Variants in GALNT18 observed in about 807,000 individuals in gnomAD.
GALNT18 encodes polypeptide N-acetylgalactosaminyltransferase 18.
Under a neutral mutation model 69.5 loss-of-function variants are expected in GALNT18, and 44 were observed. The ratio of observed to expected loss-of-function variants is 0.63; its 90% CI spans 0.50 to 0.81. The LOEUF (loss-of-function observed/expected upper bound fraction) is 0.81. GALNT18 is among the 40% of genes least tolerant of loss of function. The pLI, the probability that GALNT18 is intolerant of heterozygous loss-of-function variation, is 0.00. For missense variants in GALNT18, 715 were observed against 810.0 expected, an observed-to-expected ratio of 0.88 and a Z score of 1.42; for synonymous variants, 364 against 318.2, an observed-to-expected ratio of 1.14 and a Z score of -1.53.
In GALNT18 at chr11:11,309,434, T is replaced by TA. The variant is rs1356514710; in HGVS notation, c.1513-16242dup. 9.2e-5 allele frequency among the ~76,000 whole-genome samples: 14 copies of TA among 151,656 alleles called. No individual in the cohort carries two copies. The highest frequency in any genetic ancestry group is 3.4e-4 in the African/African-American group (14 of 41,394). ...AATTTTCTTTCTTTCCTTCTATACT[T>TA]ACCACTCTTTCCTGACCTCTCCCTA... On this transcript the variant is annotated intron_variant, in intron 9 of 10. Coordinates refer to ENST00000227756, the MANE Select transcript of GALNT18 (RefSeq NM_198516.3). The surrounding 1 kb of genome is among the most constrained non-coding windows in gnomAD (Gnocchi z 4.6).
chr11:11,347,635 C>T lies in GALNT18; in HGVS notation c.1093-6631G>A, dbSNP rs2133063157. On this transcript the variant is annotated intron_variant, in intron 6 of 10. Transcript: ENST00000227756. This position sits in a 1 kb window ranked among gnomAD's most constrained non-coding sequence, Gnocchi z 4.0. ...CTTATGACTTTTAATGAGCTCTTTG[C>T]TCTTGGCAAACTGTTCCCACTGTTC... Among the ~76,000 whole-genome samples, 1 of 152,238 alleles carries T rather than the reference C, an allele frequency of 6.6e-6. No individual in the cohort carries two copies. The highest frequency in any genetic ancestry group is 6.5e-5 in the Admixed American group (1 of 15,300).
At chr11:11,276,770 A>C (rs757335222) in intron 10 of GALNT18, among the ~76,000 whole-genome samples, 1 of 152,176 alleles carries the variant, frequency 6.6e-6, no homozygotes, top group African/African-American at 2.4e-5. Flanking sequence ...TGAAATAATC[A>C]TGTGGTTTTT....
chr11:11,450,092 T>C (rs962071534), intron 1 of GALNT18, among the ~76,000 whole-genome samples: 15 of 150,472 alleles, frequency 1.0e-4, no homozygotes, highest in South Asian at 2.1e-4. Context: ...GCAAGCCCAC[T>C]GGACAGGGTC....
At chr11:11,580,299 G>T (rs959946247) in intron 1 of GALNT18, among the ~76,000 whole-genome samples, 1 of 152,124 alleles carries the variant, frequency 6.6e-6, no homozygotes, top group African/African-American at 2.4e-5. Context: ...AGCAAGGAAG[G>T]TGCCATCTTA....
chr11:11,410,777 T>G (rs1343856903), intron 3 of GALNT18, among the ~76,000 whole-genome samples: 1 of 152,220 alleles, frequency 6.6e-6, no homozygotes, highest in Non-Finnish European at 1.5e-5. Flanking sequence ...CCTGTCTTAC[T>G]GCGTCTCCAG....
intron 1 of GALNT18, among the ~76,000 whole-genome samples, chr11:11,521,407 C>T (rs764994509): frequency 6.6e-6 from 1 of 152,158 alleles, no homozygotes; most frequent in African/African-American, 2.4e-5. Flanking sequence ...GCTAGACTCA[C>T]TCCTCATCCC....
At chr11:11,374,304 T>C (rs1409838177) in intron 5 of GALNT18, among the ~76,000 whole-genome samples, 1 of 152,188 alleles carries the variant, frequency 6.6e-6, no homozygotes, top group East Asian at 1.9e-4. Flanking sequence ...ATCTGTAACA[T>C]AGGATCTATT....
rs1287376092 is a variant in GALNT18 at position 11,415,080 on chromosome 11, A to G, written c.595+17541T>C. Among the ~76,000 whole-genome samples the G allele has an allele frequency of 6.6e-6, 1 of 152,172 alleles. No homozygotes were observed. The highest frequency in any genetic ancestry group is 1.9e-4 in the East Asian group (1 of 5,200). ...GCTCTTGGCAACAAGAGGCTGCCCAATCTCCTTGCCGCATGGACAGTTCAC... is the reference window on the plus strand; with the variant it reads ...GCTCTTGGCAACAAGAGGCTGCCCAGTCTCCTTGCCGCATGGACAGTTCAC... On this transcript the variant is annotated intron_variant, in intron 3 of 10. Coordinates refer to ENST00000227756, the MANE Select transcript of GALNT18 (RefSeq NM_198516.3). The surrounding 1 kb of genome is among the most constrained non-coding windows in gnomAD (Gnocchi z 4.1).
At chr11:11,495,433 A>ATCAAATC (rs1278540261) in intron 1 of GALNT18, among the ~76,000 whole-genome samples, 1 of 152,216 alleles carries the variant, frequency 6.6e-6, no homozygotes, top group Non-Finnish European at 1.5e-5. Context: ...ATCAAGACCC[A>ATCAAATC]TCAAATCAGG....
At chr11:11,612,534 C>T (rs534742470) in intron 1 of GALNT18, among the ~76,000 whole-genome samples, 8 of 152,320 alleles carry the variant, frequency 5.3e-5, no homozygotes, top group Non-Finnish European at 1.0e-4. Context: ...ATTTATTAAG[C>T]CAAGCTTCGA....
Position 11,431,224 on chromosome 11 carries a change from G to T in GALNT18, c.595+1397C>A, listed in dbSNP as rs147703379. Among the ~76,000 whole-genome samples the T allele has an allele frequency of 2.1e-4, 32 of 152,282 alleles. No homozygotes were observed. In the East Asian group the frequency reaches 5.4e-3, roughly 26 times the overall value. On this transcript the variant is annotated intron_variant, in intron 3 of 10. Transcript: ENST00000227756. ...GGAATGTTTTCATCCTTGAATGCTG[G>T]TTCTTCCATCCTGTGCCTCCTTACA...
At chr11:11,351,839 C>G (rs957275508) in intron 6 of GALNT18, 1 of 874,018 alleles carries the variant, frequency 1.1e-6, no homozygotes, top group East Asian at 2.7e-5. Context: ...GGTTCAGACA[C>G]GTTGCTTCTG....
intron 7 of GALNT18, among the ~76,000 whole-genome samples, chr11:11,336,012 CT>C (rs1850105279): frequency 6.6e-6 from 1 of 152,164 alleles, no homozygotes; most frequent in Non-Finnish European, 1.5e-5. Context: ...AATATATTAA[CT>C]TAGCCACATA....
intron 3 of GALNT18, among the ~76,000 whole-genome samples, chr11:11,429,769 A>G (rs1855224428): frequency 6.6e-6 from 1 of 152,102 alleles, no homozygotes; most frequent in African/African-American, 2.4e-5. Context: ...TGCACTGGAC[A>G]CCAAATATGT....
At chr11:11,312,626 T>C (rs1849690308) in intron 9 of GALNT18, among the ~76,000 whole-genome samples, 1 of 152,130 alleles carries the variant, frequency 6.6e-6, no homozygotes, top group African/African-American at 2.4e-5. Flanking sequence ...GTCAATTGTA[T>C]CCCTCCTCTT....
rs1856872759 is a variant in GALNT18, at chr11:11,496,703, T to C, written c.236-47767A>G. Among the ~76,000 whole-genome samples, 1 of 150,950 alleles carries C rather than the reference T, an allele frequency of 6.6e-6. No homozygotes were observed. Among genetic ancestry groups the C allele is most frequent in the East Asian group, 2.1e-4 (1 of 4,830 alleles). The stretch of plus-strand genomic sequence containing the variant: ...GCTGATGGGAAACACTGAGCCTCGG[T>C]TTCCTTGTGAGGATCCCCCACTACT... On this transcript the variant is annotated intron_variant, in intron 1 of 10. Transcript: ENST00000227756. The surrounding 1 kb of genome is among the most constrained non-coding windows in gnomAD (Gnocchi z 4.0).
At chr11:11,554,492 G>C (rs1427223544) in intron 1 of GALNT18, among the ~76,000 whole-genome samples, 1 of 151,976 alleles carries the variant, frequency 6.6e-6, no homozygotes, top group African/African-American at 2.4e-5. Context: ...AAAAATGAGG[G>C]GGAGGGATGG....
chr11:11,303,507 C>T (rs1339003700), intron 9 of GALNT18, among the ~76,000 whole-genome samples: 1 of 152,112 alleles, frequency 6.6e-6, no homozygotes, highest in African/African-American at 2.4e-5. Context: ...TGGCCCATGG[C>T]TAGCTATACC....
intron 1 of GALNT18, among the ~76,000 whole-genome samples, chr11:11,549,446 C>A (rs899136632): frequency 1.1e-4 from 17 of 152,256 alleles, no homozygotes; most frequent in African/African-American, 4.1e-4. Context: ...GTGCCAAACA[C>A]TGCTCATGAG....
Sources: gnomAD v4.1 joint callset for allele counts (sites outside exome capture counted in the v4.1 genomes callset) on GRCh38, gnomAD v4.1.1 for gene constraint, Gnocchi (gnomAD v3.1) non-coding constraint, MANE v1.5 for transcripts, NCBI Gene and HGNC (gene_info 2026-07-23, HGNC 2026-07-21) for gene names.